The following RORA variants were observed in gnomAD, a reference collection of about 807,000 sequenced individuals.
The protein encoded by RORA is RAR related orphan receptor A, also known as nuclear receptor ROR-alpha.
A neutral mutation model predicts 69.5 loss-of-function variants in RORA; 7 were observed. The observed-to-expected ratio is 0.10, with a 90% confidence interval of 0.06 to 0.19. The LOEUF (loss-of-function observed/expected upper bound fraction) is 0.19. Ranked by LOEUF, RORA falls within the 10% of genes least tolerant of loss-of-function variation. The pLI is 1.00. For missense variants in RORA, 457 were observed against 663.0 expected (o/e 0.69, Z 3.41); for synonymous variants, 261 against 240.8 (o/e 1.08, Z -0.78).
At chr15:61,067,094 C>T (rs532416382) in intron 1 of RORA, among the ~76,000 whole-genome samples, 1 of 151,156 alleles carries the variant, frequency 6.6e-6, no homozygotes, top group East Asian at 2.0e-4. Flanking sequence ...TGTATGTATG[C>T]ATTAGTCTAA....
intron 2 of RORA, among the ~76,000 whole-genome samples, chr15:60,612,661 G>GTTTTTTTTTTTTTTT (rs71122864): frequency 1.2e-4 from 13 of 107,144 alleles, no homozygotes; most frequent in Admixed American, 2.1e-4. Flanking sequence ...CTCTCTCTCT[G>GTTTTTTTTTTTTTTT]TTTTTTTTTT....
chr15:60,583,383 G>A (rs1363074343), intron 2 of RORA, among the ~76,000 whole-genome samples: 1 of 152,208 alleles, frequency 6.6e-6, no homozygotes, highest in Non-Finnish European at 1.5e-5. Flanking sequence ...AAGCAACCTT[G>A]AAAAGACATC....
At chr15:61,107,635 T>C (rs1287137730) in intron 1 of RORA, among the ~76,000 whole-genome samples, 1 of 152,016 alleles carries the variant, frequency 6.6e-6, no homozygotes, top group Non-Finnish European at 1.5e-5. Context: ...ACTATTGATA[T>C]GTTAATTAAA....
chr15:61,025,745 G>A (rs868222388), intron 1 of RORA, among the ~76,000 whole-genome samples: 1 of 152,172 alleles, frequency 6.6e-6, no homozygotes, highest in Non-Finnish European at 1.5e-5. Context: ...AAAATTAAAT[G>A]AGTGGATGAA....
intron 1 of RORA, among the ~76,000 whole-genome samples, chr15:60,921,292 C>T (rs1595817774): frequency 6.6e-6 from 1 of 152,162 alleles, no homozygotes; most frequent in Non-Finnish European, 1.5e-5. Flanking sequence ...AATTCCATCC[C>T]TAACAGAATG....
chr15:60,949,461 C>T (rs544083699), intron 1 of RORA, among the ~76,000 whole-genome samples: 6 of 152,294 alleles, frequency 3.9e-5, no homozygotes, highest in African/African-American at 1.4e-4. Flanking sequence ...AGTATCACTA[C>T]ACACGTGAAA....
At chr15:60,958,484 A>G (rs1190094883) in intron 1 of RORA, among the ~76,000 whole-genome samples, 3 of 152,168 alleles carry the variant, frequency 2.0e-5, no homozygotes, top group Non-Finnish European at 2.9e-5. Context: ...CTGAAACTGA[A>G]TAACTGTATA....
intron 1 of RORA, among the ~76,000 whole-genome samples, chr15:60,743,799 A>G (rs546579550): frequency 2.0e-4 from 30 of 152,310 alleles, no homozygotes; most frequent in African/African-American, 7.0e-4. Context: ...AGTTACATGC[A>G]TATGTGACAA....
chr15:61,060,509 C>T (rs1270399267), intron 1 of RORA, among the ~76,000 whole-genome samples: 1 of 152,146 alleles, frequency 6.6e-6, no homozygotes, highest in Non-Finnish European at 1.5e-5. Flanking sequence ...GTGAGGTTCA[C>T]AGCAGGGGAT....
chr15:61,040,140 ATATATATATATATATATATATAT>A (rs1896680841), intron 1 of RORA, among the ~76,000 whole-genome samples: 1 of 118,170 alleles, frequency 8.5e-6, no homozygotes, highest in Admixed American at 9.2e-5. Flanking sequence ...ATATATATAT[ATATATATATATATATATATATAT>A]AAAATATATG....
At chr15:60,790,922 T>A (rs996014634) in intron 1 of RORA, among the ~76,000 whole-genome samples, 1 of 152,136 alleles carries the variant, frequency 6.6e-6, no homozygotes, top group Non-Finnish European at 1.5e-5. Flanking sequence ...GTAACGTTTT[T>A]CTCTTCAGAA....
intron 1 of RORA, among the ~76,000 whole-genome samples, chr15:61,028,069 G>T (rs1411281101): frequency 6.6e-6 from 1 of 152,136 alleles, no homozygotes; most frequent in Non-Finnish European, 1.5e-5. Context: ...ACTGACAAAA[G>T]CTTGCCCTGG....
intron 1 of RORA, among the ~76,000 whole-genome samples, chr15:60,694,964 T>C (rs1383857154): frequency 6.6e-6 from 1 of 152,178 alleles, no homozygotes; most frequent in African/African-American, 2.4e-5. Context: ...GGGATTTATT[T>C]GTCTATGAAA....
chr15:61,147,148 C>T lies in RORA; in HGVS notation c.166+81905G>A, dbSNP rs779640771. Among the ~76,000 whole-genome samples, 2 of 152,148 alleles carry T rather than the reference C, an allele frequency of 1.3e-5. No individual in the cohort carries two copies. Among genetic ancestry groups the T allele is most frequent in the African/African-American group, 2.4e-5 (1 of 41,414 alleles). ...ATGCCTCATGCATTCTGGCCATTTT[C>T]GGGCTTATTTTATTCCCCAGAACCT... On this transcript the variant is annotated intron_variant, in intron 1 of 10. Coordinates refer to ENST00000335670, the MANE Select transcript of RORA (RefSeq NM_134261.3). The surrounding 1 kb of genome is among the most constrained non-coding windows in gnomAD (Gnocchi z 4.1).
At chr15:60,838,840 T>G (rs2073154074) in intron 1 of RORA, among the ~76,000 whole-genome samples, 1 of 118,342 alleles carries the variant, frequency 8.5e-6, no homozygotes, top group Non-Finnish European at 1.6e-5. Flanking sequence ...AAAACATTCA[T>G]TCAACACACA....
chr15:60,611,227 C>T (rs2140582719), intron 2 of RORA, among the ~76,000 whole-genome samples: 1 of 152,208 alleles, frequency 6.6e-6, no homozygotes, highest in African/African-American at 2.4e-5. Context: ...GGTTCAATCT[C>T]TCAGACCTCA....
intron 1 of RORA, among the ~76,000 whole-genome samples, chr15:61,120,115 C>T (rs1388264410): frequency 6.6e-6 from 1 of 152,106 alleles, no homozygotes; most frequent in Non-Finnish European, 1.5e-5. Context: ...CCTGGCTGCC[C>T]ATTAGAATCA....
At chr15:61,056,858 G>A (rs1439122646) in intron 1 of RORA, among the ~76,000 whole-genome samples, 3 of 152,270 alleles carry the variant, frequency 2.0e-5, no homozygotes, top group South Asian at 2.1e-4. Flanking sequence ...TACCTGATGT[G>A]GTTTTCCAAA....
At chr15:61,047,195 C>A (rs896628963) in intron 1 of RORA, among the ~76,000 whole-genome samples, 1 of 152,216 alleles carries the variant, frequency 6.6e-6, no homozygotes, top group Non-Finnish European at 1.5e-5. Flanking sequence ...GGGTTCTGAC[C>A]GTCCTTATGC....
Sources: allele counts gnomAD v4.1 joint callset (sites outside exome capture counted in the v4.1 genomes callset), GRCh38; gene constraint gnomAD v4.1.1; non-coding constraint Gnocchi (gnomAD v3.1); transcripts MANE v1.5; gene names NCBI Gene and HGNC (gene_info 2026-07-23, HGNC 2026-07-21).